SERBP1: variants seen among roughly 807,000 people sequenced by gnomAD.
The protein encoded by SERBP1 is SERPINE1 mRNA binding protein 1.
SERBP1 carries 6 observed loss-of-function variants against 50.2 expected under a neutral mutation model. That is an observed-to-expected ratio of 0.12 (90% CI 0.07 to 0.24). The LOEUF is 0.24. SERBP1 is among the 10% of genes least tolerant of loss of function. The pLI is 1.00. For synonymous variants in SERBP1, 168 were observed against 182.8 expected, an observed-to-expected ratio of 0.92 and a Z score of 0.65; for missense variants, 346 against 524.9, an observed-to-expected ratio of 0.66 and a Z score of 3.33.
chr1:67,413,935 T>C (rs942201500), intron 7 of SERBP1, among the ~76,000 whole-genome samples: 3 of 152,004 alleles, frequency 2.0e-5, no homozygotes, highest in African/African-American at 7.2e-5. Flanking sequence ...GCCTCCCAAG[T>C]AGCTAGGTTA....
At chr1:67,425,467 C>T (rs1319628069) in intron 2 of SERBP1, among the ~76,000 whole-genome samples, 4 of 152,176 alleles carry the variant, frequency 2.6e-5, no homozygotes, top group African/African-American at 9.7e-5. Flanking sequence ...TATACTTTTC[C>T]ACTGCTATTC....
In SERBP1 at chr1:67,409,335, T is replaced by C. The variant is rs1293850128; in HGVS notation, c.*3872A>G. 1 of 150,080 alleles carries C rather than the reference T, an allele frequency of 6.7e-6. No individual in the cohort carries two copies. Among genetic ancestry groups the C allele is most frequent in the Admixed American group, 6.7e-5 (1 of 15,034 alleles). The allele number at this position is 150,080 out of a possible 1,614,324, so 9.3% of individuals were successfully genotyped here. ...GCCTACATTTTTCTGTGGGTTTTTT[T>C]TTTTTTTAATCCTATACAAGCCTAA... On this transcript the variant is annotated 3_prime_UTR_variant, in exon 8 of 8. Coordinates refer to ENST00000361219, the MANE Select transcript of SERBP1 (RefSeq NM_001018069.2).
intron 7 of SERBP1, 40 bp from the exon 8 acceptor site, chr1:67,413,303 C>T (rs747681125): frequency 2.6e-5 from 39 of 1,512,132 alleles, no homozygotes; most frequent in Non-Finnish European, 3.2e-5. Context: ...GTTCTCAGTT[C>T]TTCAAAATTA....
chr1:67,422,777 T>C (rs1373820686), intron 5 of SERBP1, among the ~76,000 whole-genome samples: 1 of 143,836 alleles, frequency 7.0e-6, no homozygotes, highest in African/African-American at 2.6e-5. Context: ...CTGGCCAACA[T>C]GGTGAAATCC....
rs1412586489 is a variant in SERBP1, at chr1:67,415,177, T to C, written c.1114A>G (p.Arg372Gly). 2 of 1,593,610 alleles carry C rather than the reference T, an allele frequency of 1.3e-6. No homozygotes were observed. Among genetic ancestry groups the C allele is most frequent in the Non-Finnish European group, 8.5e-7 (1 of 1,172,620 alleles). ...AAGTCTTAAATTACCTTGTCGGTCC[T>C]GCTGCCACGGTTTGGGCGCCCACCA... ...GRGGRPNRGSRTDKSSASAPD... is the reference protein window; with the variant it reads ...GRGGRPNRGSGTDKSSASAPD... The change falls in exon 7 of 8, where the codon AGG becomes GGG. Residue 372 changes from arginine (R) to glycine (G), a missense_variant. By Grantham distance (125) the Arg-to-Gly change is moderately radical. This residue lies in a region of SERBP1 where 68 missense variants were observed against 97.3 expected (regional missense o/e 0.70). Coordinates refer to ENST00000361219, the MANE Select transcript of SERBP1 (RefSeq NM_001018069.2).
At chr1:67,423,016 T>G (rs1381257782) in intron 5 of SERBP1, among the ~76,000 whole-genome samples, 2 of 150,040 alleles carry the variant, frequency 1.3e-5, no homozygotes, top group African/African-American at 4.9e-5. Flanking sequence ...CCATGTAATT[T>G]TAAAAGCTAG....
intron 6 of SERBP1, chr1:67,417,389 C>CCATTTTATATAATGGACATGAG (rs1553133850): frequency 1.3e-5 from 2 of 152,076 alleles, no homozygotes; most frequent in Non-Finnish European, 2.9e-5. Context: ...AGATACTATG[C>CCATTTTATATAATGGACATGAG]CATTTTATAT....
In SERBP1 at chr1:67,426,223, T is replaced by G. The variant is rs1183330972; in HGVS notation, c.376A>C (p.Arg126=). ...QLQGEGKIID[R]RPERRPPRER... is the part of the protein sequence containing the mutation. Reference sequence around the variant, plus strand: ...CGAGGTGGTCGCCTTTCTGGTCTTCTATCAATTATTTTCCCTTCACCCTGA... The same window carrying G: ...CGAGGTGGTCGCCTTTCTGGTCTTCGATCAATTATTTTCCCTTCACCCTGA... The change falls in exon 2 of 8, where the codon AGA becomes CGA. Residue 126 remains arginine, a synonymous_variant. Coordinates refer to ENST00000361219, the MANE Select transcript of SERBP1 (RefSeq NM_001018069.2). 2 of 1,610,650 alleles carry G rather than the reference T, an allele frequency of 1.2e-6. No homozygotes were observed. The highest frequency in any genetic ancestry group is 1.7e-6 in the Non-Finnish European group (2 of 1,178,542).
chr1:67,430,203 G>A lies in SERBP1; in HGVS notation c.98C>T (p.Ala33Val). Residue 33 changes from alanine to valine, a missense_variant, in exon 1 of 8, where the codon GCA (alanine) becomes GTA (valine). Around this residue, in one of 5 missense-constraint regions of SERBP1, gnomAD observed 257 missense variants for 331.2 expected, o/e 0.78. Coordinates refer to ENST00000361219, the MANE Select transcript of SERBP1 (RefSeq NM_001018069.2). ...DESDPFEVLK[A>V]AENKKKEAGG... ...GGCTTCTTTTTTCTTGTTCTCTGCT[G>A]CCTTCAGCACCTCGAAGGGGTCCGA... The A allele has an allele frequency of 6.2e-7, 1 of 1,610,384 alleles. No homozygotes were observed. The highest frequency in any genetic ancestry group is 8.5e-7 in the Non-Finnish European group (1 of 1,179,534).
At chr1:67,421,846 G>A (rs1161507431) in intron 5 of SERBP1, among the ~76,000 whole-genome samples, 7 of 152,076 alleles carry the variant, frequency 4.6e-5, no homozygotes, top group African/African-American at 7.2e-5. Context: ...CCCAGTACTC[G>A]GGAGGCTGAG....
At chr1:67,416,928 GAA>G (rs1274341649) in intron 6 of SERBP1, among the ~76,000 whole-genome samples, 1 of 152,076 alleles carries the variant, frequency 6.6e-6, no homozygotes, top group South Asian at 2.1e-4. Context: ...ACCACAGATC[GAA>G]AATATTCAGA....
chr1:67,426,078 G>A, intron 2 of SERBP1, 57 bp downstream of exon 2: 1 of 1,449,860 alleles, frequency 6.9e-7, no homozygotes, highest in Non-Finnish European at 9.4e-7. Context: ...TTGTACCACT[G>A]CACTCCAGCC....
chr1:67,414,160 G>C (rs1276514949), intron 7 of SERBP1, among the ~76,000 whole-genome samples: 2 of 152,198 alleles, frequency 1.3e-5, no homozygotes, highest in Non-Finnish European at 2.9e-5. Context: ...AATTCGCATT[G>C]TTCAGTATTC....
rs1354929831 is a variant in SERBP1, at chr1:67,409,431, AC to A, written c.*3775del. 5.0e-5 allele frequency: 7 copies of A among 141,294 alleles called. No homozygotes were observed. Among genetic ancestry groups the A allele is most frequent in the East Asian group, 2.1e-4 (1 of 4,810 alleles). The allele number at this position is 141,294 out of a possible 1,614,324, so 8.8% of individuals were successfully genotyped here. ...CACACACACACACACCCCCACACACACCAGGTCACAGGCTGAACTTTGCTGA... is the reference window on the plus strand; with the variant it reads ...CACACACACACACACCCCCACACACACAGGTCACAGGCTGAACTTTGCTGA... On this transcript the variant is annotated 3_prime_UTR_variant, in exon 8 of 8. Coordinates refer to ENST00000361219, the MANE Select transcript of SERBP1 (RefSeq NM_001018069.2).
At chr1:67,428,924 T>A (rs1667474263) in intron 1 of SERBP1, among the ~76,000 whole-genome samples, 1 of 152,168 alleles carries the variant, frequency 6.6e-6, no homozygotes, top group Admixed American at 6.6e-5. Flanking sequence ...GATTCAGACC[T>A]TAGGTCCAAC....
chr1:67,415,951 GA>G (rs1402980018), intron 6 of SERBP1, among the ~76,000 whole-genome samples: 1 of 151,398 alleles, frequency 6.6e-6, no homozygotes, highest in Non-Finnish European at 1.5e-5. Flanking sequence ...TTTACATAAA[GA>G]GGGGAATCTT....
intron 1 of SERBP1, among the ~76,000 whole-genome samples, chr1:67,427,106 A>G (rs766534041): frequency 6.6e-6 from 1 of 151,812 alleles, no homozygotes; most frequent in Non-Finnish European, 1.5e-5. Context: ...AGTCCTCTAA[A>G]AAATTTGCCC....
intron 7 of SERBP1, among the ~76,000 whole-genome samples, chr1:67,414,839 T>A (rs566037829): frequency 6.6e-6 from 1 of 152,298 alleles, no homozygotes; most frequent in South Asian, 2.1e-4. Context: ...TTAACCTGAT[T>A]CACTATACCA....
chr1:67,424,442 C>T, intron 4 of SERBP1, 165 bp from the exon 5 acceptor site: 1 of 836,816 alleles, frequency 1.2e-6, no homozygotes. Context: ...AAATATACTC[C>T]CCAGAAGACG....
Sources: gnomAD v4.1 joint callset for allele counts (sites outside exome capture counted in the v4.1 genomes callset) on GRCh38, gnomAD v4.1.1 for gene constraint, gnomAD v4.1.1 regional missense constraint, MANE v1.5 for transcripts, NCBI Gene and HGNC (gene_info 2026-07-23, HGNC 2026-07-21) for gene names.